The following APCDD1 variants were observed in gnomAD, a reference collection of about 807,000 sequenced individuals.
The protein encoded by APCDD1 is APC down-regulated 1, also known as protein APCDD1.
In APCDD1, 15 loss-of-function variants were observed where a neutral mutation model predicts 38.1. The ratio of observed to expected loss-of-function variants is 0.39; its 90% CI spans 0.26 to 0.61. The LOEUF is 0.61. Ranked by LOEUF, APCDD1 falls within the 20% of genes least tolerant of loss-of-function variation. The probability of loss-of-function intolerance (pLI) is 0.49; values close to 1 mark genes in which losing one functional copy is unlikely to be tolerated. For synonymous variants in APCDD1, 261 were observed against 279.7 expected (o/e 0.93, Z 0.67); for missense variants, 647 against 696.2 (o/e 0.93, Z 0.79).
Position 10,471,890 on chromosome 18 carries a change from C to T in APCDD1, c.603C>T (p.Ala201=), listed in dbSNP as rs145453912. 8.7e-5 allele frequency: 140 copies of T among 1,614,050 alleles called. No homozygotes were observed. The highest frequency in any genetic ancestry group is 2.5e-4 in the African/African-American group (19 of 74,922). The change falls in exon 3 of 5, where the codon GCC becomes GCT. Residue 201 remains alanine (A), a synonymous_variant. Coordinates refer to ENST00000355285, the MANE Select transcript of APCDD1 (RefSeq NM_153000.5). The surrounding 1 kb of genome is among the most constrained non-coding windows in gnomAD (Gnocchi z 5.5). ...REENGCECTK[A]VNFAMHELQL... Reference sequence around the variant, plus strand: ...AGAACGGCTGTGAGTGCACCAAGGCCGTGAACTTTGCCATGCATGAACTTC... The same window carrying T: ...AGAACGGCTGTGAGTGCACCAAGGCTGTGAACTTTGCCATGCATGAACTTC...
intron 1 of APCDD1, among the ~76,000 whole-genome samples, chr18:10,456,954 T>C (rs1271193714): frequency 6.6e-6 from 1 of 152,220 alleles, no homozygotes; most frequent in African/African-American, 2.4e-5. Context: ...CTGGTATGTG[T>C]GTATGCATTT....
At chr18:10,462,583 T>C (rs1402045206) in intron 1 of APCDD1, among the ~76,000 whole-genome samples, 3 of 64,454 alleles carry the variant, frequency 4.7e-5, no homozygotes, top group East Asian at 3.6e-4. Context: ...CCTTCCTTCC[T>C]TCCCTCCCTC....
At chr18:10,480,291 C>G (rs114592422) in intron 3 of APCDD1, among the ~76,000 whole-genome samples, 3 of 152,210 alleles carry the variant, frequency 2.0e-5, no homozygotes, top group Non-Finnish European at 4.4e-5. Flanking sequence ...ATATCTAATT[C>G]TCTTTCCATG....
chr18:10,464,960 A>G (rs181172306), intron 1 of APCDD1, among the ~76,000 whole-genome samples: 93 of 152,328 alleles, frequency 6.1e-4, no homozygotes, highest in African/African-American at 1.4e-3. Flanking sequence ...TGAGAGCCGT[A>G]TCATTATTTG....
intron 1 of APCDD1, among the ~76,000 whole-genome samples, chr18:10,460,026 T>TA (rs1291704390): frequency 6.6e-6 from 1 of 152,218 alleles, no homozygotes; most frequent in African/African-American, 2.4e-5. Context: ...CCTTAAGCCT[T>TA]AGAGTACATG....
At position 10,471,903 on chromosome 18, in the gene APCDD1, A is replaced by G. The variant is rs975887566; in HGVS notation, c.616A>G (p.Met206Val). Residue 206 changes from methionine to valine, a missense_variant, in exon 3 of 5, where the codon ATG becomes GTG. Transcript: ENST00000355285. This position sits in a 1 kb window ranked among gnomAD's most constrained non-coding sequence, Gnocchi z 5.5. The stretch of plus-strand genomic sequence containing the variant: ...GTGCACCAAGGCCGTGAACTTTGCC[A>G]TGCATGAACTTCAGCTCATCCGGGT... ...CECTKAVNFAMHELQLIRVEK... is the reference protein window; with the variant it reads ...CECTKAVNFAVHELQLIRVEK... 1.9e-6 allele frequency: 3 copies of G among 1,614,168 alleles called. No individual in the cohort carries two copies. The highest frequency in any genetic ancestry group is 2.5e-6 in the Non-Finnish European group (3 of 1,180,040).
chr18:10,475,904 A>G lies in APCDD1; in HGVS notation c.774+3843A>G, dbSNP rs2143545057. 1 of 152,174 alleles carries G rather than the reference A, an allele frequency of 6.6e-6. No homozygotes were observed. The highest frequency in any genetic ancestry group is 1.5e-5 in the Non-Finnish European group (1 of 68,098). The allele number at this position is 152,174 out of a possible 1,614,324, so 9.4% of individuals were successfully genotyped here. A position where few individuals can be genotyped will look rare whatever the true frequency, so the allele number is the denominator to read the frequency against. Reference sequence around the variant, plus strand: ...GCCTGCAGTGTGCAGCGGAGTCTTCAGGAAGTTTTCAGATCCTTCCCCAGG... The same window carrying G: ...GCCTGCAGTGTGCAGCGGAGTCTTCGGGAAGTTTTCAGATCCTTCCCCAGG... On this transcript the variant is annotated intron_variant, in intron 3 of 4. Transcript: ENST00000355285. This position sits in a 1 kb window ranked among gnomAD's most constrained non-coding sequence, Gnocchi z 4.0.
chr18:10,461,199 G>A (rs1187837213), intron 1 of APCDD1, among the ~76,000 whole-genome samples: 1 of 152,102 alleles, frequency 6.6e-6, no homozygotes, highest in Non-Finnish European at 1.5e-5. Context: ...ATACCACCGA[G>A]CCCTCCAGAG....
rs114153769 is a variant in APCDD1, at chr18:10,467,362, A to T, written c.59-1107A>T. On this transcript the variant is annotated intron_variant, in intron 1 of 4. Transcript: ENST00000355285. The surrounding 1 kb of genome is among the most constrained non-coding windows in gnomAD (Gnocchi z 4.8). The stretch of plus-strand genomic sequence containing the variant: ...TACATTTTATTTATTTTGTATATTT[A>T]AAAAAAGTTTGTACAGTTGTCTAAC... Among the ~76,000 whole-genome samples the T allele has an allele frequency of 6.9e-3, 1,047 of 152,312 alleles. 17 individuals carry two copies. Among genetic ancestry groups the T allele is most frequent in the African/African-American group, 0.024 (978 of 41,560 alleles).
Position 10,454,682 on chromosome 18 carries a change from AGCGGCGCAC to A in APCDD1, c.-293_-285del. On this transcript the variant is annotated 5_prime_UTR_variant, in exon 1 of 5. Transcript: ENST00000355285. ...GGCGGTGGCGGCCACTGCAGCTCAG[AGCGGCGCAC>A]GCGGCGGCCGGGGCGGGACGCGGGG... 2.0e-6 allele frequency: 2 copies of A among 987,446 alleles called. No individual in the cohort carries two copies. Among genetic ancestry groups the A allele is most frequent in the Non-Finnish European group, 2.4e-6 (2 of 832,414 alleles). The allele number at this position is 987,446 out of a possible 1,614,324, so 61.2% of individuals were successfully genotyped here.
intron 3 of APCDD1, among the ~76,000 whole-genome samples, chr18:10,481,401 T>A (rs2143555919): frequency 6.6e-6 from 1 of 152,176 alleles, no homozygotes; most frequent in South Asian, 2.1e-4. Context: ...TCGATAAAAC[T>A]TGAGGAGCTT....
rs1372929806 is a variant in APCDD1, at chr18:10,470,216, G to A, written c.243-1314G>A. On this transcript the variant is annotated intron_variant, in intron 2 of 4. Coordinates refer to ENST00000355285, the MANE Select transcript of APCDD1 (RefSeq NM_153000.5). The surrounding 1 kb of genome is among the most constrained non-coding windows in gnomAD (Gnocchi z 4.1). Reference sequence around the variant, plus strand: ...ACGTGGCAGGCAGAATCAACAGACTGTTGATGCTTAGATTAAAAAATTAAA... The same window carrying A: ...ACGTGGCAGGCAGAATCAACAGACTATTGATGCTTAGATTAAAAAATTAAA... Among the ~76,000 whole-genome samples the A allele has an allele frequency of 6.6e-6, 1 of 152,168 alleles. No individual in the cohort carries two copies. The highest frequency in any genetic ancestry group is 1.5e-5 in the Non-Finnish European group (1 of 68,024).
Position 10,454,975 on chromosome 18 carries a change from A to G in APCDD1, c.-7A>G, listed in dbSNP as rs1318869144. On this transcript the variant is annotated 5_prime_UTR_variant, in exon 1 of 5. Coordinates refer to ENST00000355285, the MANE Select transcript of APCDD1 (RefSeq NM_153000.5). Reference sequence around the variant, plus strand: ...GGCGTGCGGGAGGCCCCAGAGCAGGACTGGAAATGTCCTGGCCGCGCCGCC... The same window carrying G: ...GGCGTGCGGGAGGCCCCAGAGCAGGGCTGGAAATGTCCTGGCCGCGCCGCC... 6.5e-7 allele frequency: 1 copy of G among 1,547,202 alleles called. No homozygotes were observed.
chr18:10,463,934 C>G (rs1026690315), intron 1 of APCDD1, among the ~76,000 whole-genome samples: 1 of 152,324 alleles, frequency 6.6e-6, no homozygotes, highest in South Asian at 2.1e-4. Context: ...CATCTGGCCG[C>G]TCACATGGGT....
intron 1 of APCDD1, among the ~76,000 whole-genome samples, chr18:10,460,606 A>ACTGTC (rs2030516345): frequency 6.6e-6 from 1 of 152,276 alleles, no homozygotes; most frequent in East Asian, 1.9e-4. Flanking sequence ...CATGGAGTAT[A>ACTGTC]CTGTCCTATT....
intron 1 of APCDD1, among the ~76,000 whole-genome samples, chr18:10,458,785 A>G (rs996091383): frequency 6.6e-6 from 1 of 152,192 alleles, no homozygotes; most frequent in Non-Finnish European, 1.5e-5. Context: ...TGTGTTAGTG[A>G]TTGTCTACAT....
At chr18:10,460,319 A>G (rs1244486095) in intron 1 of APCDD1, among the ~76,000 whole-genome samples, 2 of 152,208 alleles carry the variant, frequency 1.3e-5, no homozygotes, top group Non-Finnish European at 2.9e-5. Context: ...TGCGGTCAGG[A>G]GTTGGAGACC....
chr18:10,459,722 T>A (rs2030481647), intron 1 of APCDD1, among the ~76,000 whole-genome samples: 1 of 151,944 alleles, frequency 6.6e-6, no homozygotes, highest in Non-Finnish European at 1.5e-5. Context: ...TGTGCTGGAG[T>A]TTATCTACCA....
chr18:10,478,277 C>T (rs1024156966), intron 3 of APCDD1, among the ~76,000 whole-genome samples: 4 of 152,228 alleles, frequency 2.6e-5, no homozygotes, highest in African/African-American at 4.8e-5. Flanking sequence ...CTCTGAGTAC[C>T]CCTGGCACCA....
Sources: gnomAD v4.1 joint callset for allele counts (sites outside exome capture counted in the v4.1 genomes callset) on GRCh38, gnomAD v4.1.1 for gene constraint, Gnocchi (gnomAD v3.1) non-coding constraint, MANE v1.5 for transcripts, NCBI Gene and HGNC (gene_info 2026-07-23, HGNC 2026-07-21) for gene names.